The following UNC13B variants were observed in gnomAD, a reference collection of about 807,000 sequenced individuals.
The protein encoded by UNC13B is unc-13 homolog B, also known as protein unc-13 homolog B.
UNC13B carries 144 observed loss-of-function variants against 211.0 expected under a neutral mutation model. The ratio of observed to expected loss-of-function variants is 0.68; its 90% CI spans 0.60 to 0.78. The LOEUF (loss-of-function observed/expected upper bound fraction) is 0.78. UNC13B is among the 30% of genes least tolerant of loss of function. The probability of loss-of-function intolerance (pLI) is 0.00; values close to 1 mark genes in which losing one functional copy is unlikely to be tolerated. For synonymous variants in UNC13B, 709 were observed against 725.8 expected (o/e 0.98, Z 0.37); for missense variants, 1,777 against 2,002.0 (o/e 0.89, Z 2.14).
chr9:35,344,476 A>G (rs1832228263), intron 11 of UNC13B, among the ~76,000 whole-genome samples: 1 of 152,194 alleles, frequency 6.6e-6, no homozygotes, highest in South Asian at 2.1e-4. Context: ...CCATCAATTC[A>G]TTTATGCTTT....
At chr9:35,320,831 T>A (rs1200696139) in intron 11 of UNC13B, among the ~76,000 whole-genome samples, 1 of 152,216 alleles carries the variant, frequency 6.6e-6, no homozygotes, top group Non-Finnish European at 1.5e-5. Context: ...GAGCCCAGTA[T>A]GGAATCTGGC....
intron 1 of UNC13B, among the ~76,000 whole-genome samples, chr9:35,184,606 G>A (rs1822231131): frequency 6.6e-6 from 1 of 152,134 alleles, no homozygotes; most frequent in Admixed American, 6.5e-5. Flanking sequence ...CACTCGGCAG[G>A]CTGAGGCAGG....
At chr9:35,260,202 C>T (rs1028523911) in intron 7 of UNC13B, among the ~76,000 whole-genome samples, 1 of 118,318 alleles carries the variant, frequency 8.5e-6, no homozygotes, top group African/African-American at 3.3e-5. Context: ...AGAGCAAGAC[C>T]CTGTTTCAAA....
chr9:35,305,247 A>G lies in UNC13B; in HGVS notation c.5843A>G (p.Gln1948Arg). 2 of 399,000 alleles carry G rather than the reference A, an allele frequency of 5.0e-6. No individual in the cohort carries two copies. Among genetic ancestry groups the G allele is most frequent in the Non-Finnish European group, 8.8e-6 (2 of 226,000 alleles). 24.7% of individuals were successfully genotyped at this position (399,000 alleles called of 1,614,324 possible). Residue 1948 changes from glutamine (Q) to arginine (R), a missense_variant, in exon 9 of 40, where the codon CAG (glutamine) becomes CGG (arginine). Physicochemically the swap from Gln to Arg is conservative, Grantham distance 43. Coordinates refer to ENST00000635942, the MANE Select transcript of UNC13B (RefSeq NM_001371189.2). ...SSGFLNLFKT[Q>R]VNKEGSPNLE... ...GGATTTTTGAATCTTTTTAAGACTC[A>G]GGTGAATAAAGAAGGATCACCAAAC...
chr9:35,384,743 G>A, intron 22 of UNC13B: 1 of 983,816 alleles, frequency 1.0e-6, no homozygotes, highest in Non-Finnish European at 1.2e-6. Flanking sequence ...CTTGGCTTTT[G>A]CAAGTAATCT....
At chr9:35,358,816 T>C (rs1433306010) in intron 11 of UNC13B, among the ~76,000 whole-genome samples, 1 of 151,648 alleles carries the variant, frequency 6.6e-6, no homozygotes, top group African/African-American at 2.4e-5. Context: ...GCCTCAGCCT[T>C]CTGAGTAGAC....
Position 35,403,648 on chromosome 9 carries a change from G to T in UNC13B, c.12737+49G>T, listed in dbSNP as rs753047270. The stretch of plus-strand genomic sequence containing the variant: ...GGACTCTGGGATGGGGGTAAGACTT[G>T]AGGGGTGGGGGGAGAGGAGGGCCCG... On this transcript the variant is annotated intron_variant, in intron 39 of 39. Coordinates refer to ENST00000635942, the MANE Select transcript of UNC13B (RefSeq NM_001371189.2). 12 of 1,533,934 alleles carry T rather than the reference G, an allele frequency of 7.8e-6. No individual in the cohort carries two copies. The South Asian group carries it at 9.6e-5, about 12-fold the overall frequency.
At chr9:35,205,090 T>A (rs1823564761) in intron 1 of UNC13B, among the ~76,000 whole-genome samples, 1 of 152,070 alleles carries the variant, frequency 6.6e-6, no homozygotes, top group Non-Finnish European at 1.5e-5. Context: ...TGAGATCTGG[T>A]TATTTAAAAG....
At chr9:35,395,378 T>C (rs1835805012) in intron 26 of UNC13B, among the ~76,000 whole-genome samples, 1 of 152,230 alleles carries the variant, frequency 6.6e-6, no homozygotes, top group South Asian at 2.1e-4. Flanking sequence ...TTCCTGGGAC[T>C]TGAAGCCCTT....
intron 7 of UNC13B, among the ~76,000 whole-genome samples, chr9:35,292,066 A>G (rs1295105867): frequency 1.3e-5 from 2 of 152,202 alleles, no homozygotes; most frequent in African/African-American, 4.8e-5. Context: ...GAGCTCAGGT[A>G]AGTTAAGGTT....
At chr9:35,281,081 C>G (rs949220369) in intron 7 of UNC13B, among the ~76,000 whole-genome samples, 5 of 152,062 alleles carry the variant, frequency 3.3e-5, no homozygotes, top group African/African-American at 1.2e-4. Flanking sequence ...AACCCTGTCT[C>G]TACTAAAAAA....
chr9:35,205,699 T>G (rs1823604365), intron 1 of UNC13B, among the ~76,000 whole-genome samples: 1 of 152,256 alleles, frequency 6.6e-6, no homozygotes, highest in Admixed American at 6.5e-5. Flanking sequence ...TTTTTTTAGG[T>G]TCATCCAAGT....
Position 35,400,369 on chromosome 9 carries a change from G to C in UNC13B, c.12410G>C (p.Arg4137Pro). The change falls in exon 37 of 40, where the codon CGC (arginine) becomes CCC (proline). Residue 4137 changes from arginine (R) to proline (P), a missense_variant. Coordinates refer to ENST00000635942, the MANE Select transcript of UNC13B (RefSeq NM_001371189.2). ...LEKSPDLQSL[R>P]YALSLYTQTT... ...AAGAGCCCAGATCTGCAGTCTCTACGCTATGCCCTGTCTCTGTACACACAG... is the reference window on the plus strand; with the variant it reads ...AAGAGCCCAGATCTGCAGTCTCTACCCTATGCCCTGTCTCTGTACACACAG... 2 of 1,614,160 alleles carry C rather than the reference G, an allele frequency of 1.2e-6. No homozygotes were observed. Among genetic ancestry groups the C allele is most frequent in the Non-Finnish European group, 1.7e-6 (2 of 1,180,006 alleles).
chr9:35,397,546 T>A, intron 29 of UNC13B, 89 bp from the exon 30 acceptor site: 1 of 1,442,778 alleles, frequency 6.9e-7, no homozygotes, highest in Non-Finnish European at 9.5e-7. Context: ...GTTGTTATTG[T>A]TCTGTGATGA....
At chr9:35,349,951 G>C (rs1250475360) in intron 11 of UNC13B, among the ~76,000 whole-genome samples, 4 of 152,296 alleles carry the variant, frequency 2.6e-5, no homozygotes, top group Admixed American at 6.5e-5. Flanking sequence ...AAAATAAAAG[G>C]AGGCAGAGTT....
chr9:35,401,995 C>G (rs866769411), intron 37 of UNC13B: 1 of 1,550,534 alleles, frequency 6.4e-7, no homozygotes, highest in Admixed American at 2.0e-5. Flanking sequence ...TGAGGACATT[C>G]GTCCGGAAAA....
At chr9:35,376,780 C>A (rs1834443577) in intron 15 of UNC13B, among the ~76,000 whole-genome samples, 1 of 152,134 alleles carries the variant, frequency 6.6e-6, no homozygotes, top group African/African-American at 2.4e-5. Context: ...ACCCCCAGGG[C>A]CTTGGCTAAA....
chr9:35,377,148 G>C lies in UNC13B; in HGVS notation c.9836-320G>C, dbSNP rs149454990. ...GAGAGGCCTTGAGCAATTATTCATG[G>C]AAAATGTCCTTTGAAGAGCCTCAAA... On this transcript the variant is annotated intron_variant, in intron 15 of 39. Transcript: ENST00000635942. Among the ~76,000 whole-genome samples, 232 of 152,284 alleles carry C rather than the reference G, an allele frequency of 1.5e-3. 1 individual carries two copies. Among genetic ancestry groups the C allele is most frequent in the Non-Finnish European group, 2.5e-3 (170 of 68,012 alleles).
At chr9:35,370,210 A>G (rs1193920500) in intron 12 of UNC13B, 108 bp from the exon 13 acceptor site, 3 of 835,330 alleles carry the variant, frequency 3.6e-6, no homozygotes, top group East Asian at 2.6e-5. Context: ...GGTAGAGGTC[A>G]GTTCATCTTC....
Sources: gnomAD v4.1 joint callset for allele counts (sites outside exome capture counted in the v4.1 genomes callset) on GRCh38, gnomAD v4.1.1 for gene constraint, MANE v1.5 for transcripts, NCBI Gene and HGNC (gene_info 2026-07-23, HGNC 2026-07-21) for gene names.